Variants in COL1A1 observed in about 807,000 individuals in gnomAD.
The protein encoded by COL1A1 is collagen type I alpha 1 chain.
A neutral mutation model predicts 195.7 loss-of-function variants in COL1A1; 21 were observed. The observed-to-expected ratio is 0.11, with a 90% CI of 0.08 to 0.15. The LOEUF (loss-of-function observed/expected upper bound fraction) is 0.15, where lower values mean the gene tolerates loss of function less well. COL1A1 is among the 10% of genes least tolerant of loss of function. The pLI, the probability that COL1A1 is intolerant of heterozygous loss-of-function variation, is 1.00. For synonymous variants in COL1A1, 749 were observed against 747.3 expected, an observed-to-expected ratio of 1.00 and a Z score of -0.04; for missense variants, 1,365 against 2,051.0, an observed-to-expected ratio of 0.67 and a Z score of 6.46.
At position 50,187,944 on chromosome 17, in the gene COL1A1, C is replaced by T. The variant is rs867628651; in HGVS notation, c.3301G>A (p.Glu1101Lys). Residue 1101 changes from glutamate (E) to lysine (K), a missense_variant, in exon 45 of 51, where the codon GAA becomes AAA. Coordinates refer to ENST00000225964, the MANE Select transcript of COL1A1 (RefSeq NM_000088.4). ...GPRGDKGETG[E>K]QGDRGIKGHR... ...CCCTTTATGCCTCTGTCGCCCTGTTCGCCTGTCTCACCCTTGTCACCACGG... is the reference window on the plus strand; with the variant it reads ...CCCTTTATGCCTCTGTCGCCCTGTTTGCCTGTCTCACCCTTGTCACCACGG... 7 of 1,613,898 alleles carry T rather than the reference C, an allele frequency of 4.3e-6. No homozygotes were observed. Among genetic ancestry groups the T allele is most frequent in the African/African-American group, 1.3e-5 (1 of 74,920 alleles).
Position 50,186,688 on chromosome 17 carries a change from C to A in COL1A1, c.3766G>T (p.Ala1256Ser), listed in dbSNP as rs148216434. ...ATCTTGAGGTCACGGCAGGTGCGGG[C>A]GGGGTTCTTGCGGCTGCCCTCTGGG... ...RSPEGSRKNP[A>S]RTCRDLKMCH... Residue 1256 changes from alanine (A) to serine (S), a missense_variant, in exon 48 of 51, where the codon GCC becomes TCC. Ala to Ser is a moderately conservative substitution (Grantham distance 99). Around this residue, in one of 5 missense-constraint regions of COL1A1, gnomAD observed 273 missense variants for 338.6 expected, o/e 0.81. Transcript: ENST00000225964. The surrounding 1 kb of genome is among the most constrained non-coding windows in gnomAD (Gnocchi z 5.3). 5.6e-6 allele frequency: 9 copies of A among 1,613,598 alleles called. No homozygotes were observed. The highest frequency in any genetic ancestry group is 3.3e-5 in the South Asian group (3 of 91,084).
At position 50,198,109 on chromosome 17, in the gene COL1A1, C is replaced by T. The variant is rs947419957; in HGVS notation, c.588+52G>A. ...TCTCCTGCCCTCATCCCAGTCTTCC[C>T]TCCAAAAGACCAAAGCCCAAGGAGG... On this transcript the variant is annotated intron_variant, in intron 7 of 50. Coordinates refer to ENST00000225964, the MANE Select transcript of COL1A1 (RefSeq NM_000088.4). 3.1e-6 allele frequency: 5 copies of T among 1,612,204 alleles called. No individual in the cohort carries two copies. The South Asian group carries it at 5.5e-5, about 18-fold the overall frequency.
rs2734272 is a variant in COL1A1 at position 50,190,862 on chromosome 17, A to G, written c.2298T>C (p.Thr766=). Residue 766 remains threonine, a synonymous_variant, in exon 33 of 51, where the codon ACT becomes ACC. Transcript: ENST00000225964. This position sits in a 1 kb window ranked among gnomAD's most constrained non-coding sequence, Gnocchi z 4.7. ...SPGKDGVRGL[T]GPIGPPGPAG... ...CAGGGCCAGGAGGACCAATGGGGCC[A>G]GTCAGACCACGGACGCCATCTTTGC... 1,614,020 of 1,614,154 alleles carry G rather than the reference A, an allele frequency of 1. 806,944 individuals are homozygous for G. The highest frequency in any genetic ancestry group is 1 in the Middle Eastern group (6,062 of 6,062).
In COL1A1 at chr17:50,190,620, C is replaced by T; in HGVS notation, c.2344-24G>A. 6.2e-7 allele frequency: 1 copy of T among 1,612,120 alleles called. No homozygotes were observed. The highest frequency in any genetic ancestry group is 8.5e-7 in the Non-Finnish European group (1 of 1,178,836). ...CCCTGAGAGCAAGGGACAAGAGGCT[C>T]AGGGTCAGGGCCTCCCCTGAATACT... On this transcript the variant is annotated intron_variant, in intron 33 of 50. Transcript: ENST00000225964. This position sits in a 1 kb window ranked among gnomAD's most constrained non-coding sequence, Gnocchi z 4.7.
chr17:50,190,489 T>C lies in COL1A1; in HGVS notation c.2397+54A>G. On this transcript the variant is annotated intron_variant, in intron 34 of 50. Transcript: ENST00000225964. The surrounding 1 kb of genome is among the most constrained non-coding windows in gnomAD (Gnocchi z 4.7). ...GGCACAGACAGGGCCAGGGGTGCTGTGTGAAGGGAGGGAAGGGCCAAGTAT... is the reference window on the plus strand; with the variant it reads ...GGCACAGACAGGGCCAGGGGTGCTGCGTGAAGGGAGGGAAGGGCCAAGTAT... 1.9e-6 allele frequency: 3 copies of C among 1,607,202 alleles called. No homozygotes were observed. The highest frequency in any genetic ancestry group is 2.6e-6 in the Non-Finnish European group (3 of 1,174,090).
In COL1A1 at chr17:50,201,345, G is replaced by GCC. The variant is rs1908077819; in HGVS notation, c.103+64_103+65dup. The GCC allele has an allele frequency of 4.8e-6, 7 of 1,451,774 alleles. No homozygotes were observed. The Admixed American group carries it at 1.3e-4, about 26-fold the overall frequency. 89.9% of individuals were successfully genotyped at this position (1,451,774 alleles called of 1,614,324 possible). A position where few individuals can be genotyped will look rare whatever the true frequency, so the allele number is the denominator to read the frequency against. On this transcript the variant is annotated intron_variant, in intron 1 of 50. Transcript: ENST00000225964. ...CATCCACGTCTCGTTTTAAGCCGCG[G>GCC]CCCCCGGGACCAAGCGCAAGGCGCG...
Position 50,184,585 on chromosome 17 carries a change from T to TGCCACC in COL1A1, c.*916_*917insGGTGGC. 1 of 225,290 alleles carries TGCCACC rather than the reference T, an allele frequency of 4.4e-6. No individual in the cohort carries two copies. 14.0% of individuals were successfully genotyped at this position (225,290 alleles called of 1,614,324 possible). ...TCTCAATTTCTATAGCACCAGTGAT[T>TGCCACC]CCCTCCCCACCCCACCCATCACATA... On this transcript the variant is annotated 3_prime_UTR_variant, in exon 51 of 51. Transcript: ENST00000225964.
Position 50,194,387 on chromosome 17 carries a change from C to T in COL1A1, c.1576G>A (p.Ala526Thr). The T allele has an allele frequency of 6.2e-7, 1 of 1,614,178 alleles. No homozygotes were observed. The highest frequency in any genetic ancestry group is 1.3e-5 in the African/African-American group (1 of 75,048). ...PAGPKGSPGE[A>T]GRPGEAGLPG... ...AGACCAGCTTCACCGGGACGACCAG[C>T]TTCACCAGGAGATCCTTTGGGGCCA... is the stretch of plus-strand genomic sequence containing the variant. Residue 526 changes from alanine to threonine, a missense_variant, in exon 23 of 51, where the codon GCT becomes ACT. By Grantham distance (58) the Ala-to-Thr change is moderately conservative. Coordinates refer to ENST00000225964, the MANE Select transcript of COL1A1 (RefSeq NM_000088.4). The surrounding 1 kb of genome is among the most constrained non-coding windows in gnomAD (Gnocchi z 6.8).
Position 50,187,959 on chromosome 17 carries a change from T to C in COL1A1, c.3286A>G (p.Lys1096Glu). ...PAGPQGPRGDKGETGEQGDRG... is the reference protein window; with the variant it reads ...PAGPQGPRGDEGETGEQGDRG... ...TCGCCCTGTTCGCCTGTCTCACCCTTGTCACCACGGGGGCCTTGGGGTCCC... is the reference window on the plus strand; with the variant it reads ...TCGCCCTGTTCGCCTGTCTCACCCTCGTCACCACGGGGGCCTTGGGGTCCC... The change falls in exon 45 of 51, where the codon AAG (lysine) becomes GAG (glutamate). Residue 1096 changes from lysine (K) to glutamate (E), a missense_variant. Physicochemically the swap from Lys to Glu is moderately conservative, Grantham distance 56. Around this residue, in one of 5 missense-constraint regions of COL1A1, gnomAD observed 671 missense variants for 1,099.9 expected, o/e 0.61. Coordinates refer to ENST00000225964, the MANE Select transcript of COL1A1 (RefSeq NM_000088.4). 2 of 1,614,084 alleles carry C rather than the reference T, an allele frequency of 1.2e-6. No homozygotes were observed. The highest frequency in any genetic ancestry group is 1.7e-6 in the Non-Finnish European group (2 of 1,179,980).
In COL1A1 at chr17:50,189,295, G is replaced by A. The variant is rs781595724; in HGVS notation, c.2830-20C>T. 5.0e-6 allele frequency: 8 copies of A among 1,613,922 alleles called. No individual in the cohort carries two copies. The highest frequency in any genetic ancestry group is 1.7e-5 in the Admixed American group (1 of 60,026). ...AGCACCCTTTGGGAGGCAAACAGGG[G>A]TGAGGTGCCAGAGAGCAGCACAGGG... On this transcript the variant is annotated intron_variant, in intron 39 of 50. Coordinates refer to ENST00000225964, the MANE Select transcript of COL1A1 (RefSeq NM_000088.4). The surrounding 1 kb of genome is among the most constrained non-coding windows in gnomAD (Gnocchi z 5.5).
At chr17:50,191,165 G>GC (rs1286471154) in intron 32 of COL1A1, among the ~76,000 whole-genome samples, 1 of 152,144 alleles carries the variant, frequency 6.6e-6, no homozygotes, top group Non-Finnish European at 1.5e-5. Context: ...CCAAGGAGAT[G>GC]CCCCCACCTC....
chr17:50,185,968 G>A lies in COL1A1; in HGVS notation c.4058C>T (p.Thr1353Ile). 2 of 1,613,954 alleles carry A rather than the reference G, an allele frequency of 1.2e-6. No homozygotes were observed. Among genetic ancestry groups the A allele is most frequent in the Non-Finnish European group, 1.7e-6 (2 of 1,180,014 alleles). ...CTCGGTGGACATCAGGCGCAGGAAG[G>A]TCAGCTGGATGGCCACATCGGCAGG... ...SDPADVAIQLTFLRLMSTEAS... is the reference protein window; with the variant it reads ...SDPADVAIQLIFLRLMSTEAS... Residue 1353 changes from threonine to isoleucine, a missense_variant, in exon 50 of 51, where the codon ACC (threonine) becomes ATC (isoleucine). Transcript: ENST00000225964.
In COL1A1 at chr17:50,193,988, A is replaced by G; in HGVS notation, c.1722T>C (p.Arg574=). ...GGAATCCCATCACACCAGCCTGACC[A>G]CGGGCACCAGGTGGGCCTGGGGGTC... ...RPGPPGPPGA[R]GQAGVMGFPG... is the part of the protein sequence containing the mutation. Residue 574 remains arginine, a synonymous_variant, in exon 25 of 51, where the codon CGT becomes CGC. Coordinates refer to ENST00000225964, the MANE Select transcript of COL1A1 (RefSeq NM_000088.4). 1 of 1,614,112 alleles carries G rather than the reference A, an allele frequency of 6.2e-7. No homozygotes were observed. The highest frequency in any genetic ancestry group is 8.5e-7 in the Non-Finnish European group (1 of 1,180,008).
At chr17:50,197,417 A>G (rs1337879072) in intron 9 of COL1A1, among the ~76,000 whole-genome samples, 184 bp from the exon 10 acceptor site, 2 of 152,218 alleles carry the variant, frequency 1.3e-5, no homozygotes, top group Non-Finnish European at 2.9e-5. Context: ...GTGAAATCTG[A>G]GTGCCTCTAA....
chr17:50,199,515 C>T (rs769737039), intron 3 of COL1A1, 41 bp downstream of exon 3: 6 of 1,614,202 alleles, frequency 3.7e-6, no homozygotes, highest in Middle Eastern at 1.7e-4. Flanking sequence ...TGTGAGGAGT[C>T]ACGGGCCGCG....
In COL1A1 at chr17:50,184,585, T is replaced by TGG; in HGVS notation, c.*916_*917insCC. On this transcript the variant is annotated 3_prime_UTR_variant, in exon 51 of 51. Transcript: ENST00000225964. ...TCTCAATTTCTATAGCACCAGTGAT[T>TGG]CCCTCCCCACCCCACCCATCACATA... is the stretch of plus-strand genomic sequence containing the variant. The TGG allele has an allele frequency of 4.4e-6, 1 of 225,290 alleles. No individual in the cohort carries two copies. Among genetic ancestry groups the TGG allele is most frequent in the Non-Finnish European group, 8.8e-6 (1 of 113,322 alleles). The allele number at this position is 225,290 out of a possible 1,614,324, so 14.0% of individuals were successfully genotyped here.
At chr17:50,201,190 G>A (rs537432548) in intron 1 of COL1A1, among the ~76,000 whole-genome samples, 1 of 152,076 alleles carries the variant, frequency 6.6e-6, no homozygotes, top group Non-Finnish European at 1.5e-5. Context: ...AACTCACGCC[G>A]CGCTCCACCC....
At chr17:50,198,239 T>C (rs1381580632) in intron 6 of COL1A1, 34 bp from the exon 7 acceptor site, 1 of 1,612,198 alleles carries the variant, frequency 6.2e-7, no homozygotes. Flanking sequence ...GTCATGGTGA[T>C]CCCTCTGTAG....
chr17:50,189,649 A>G lies in COL1A1; in HGVS notation c.2667+30T>C, dbSNP rs1906890820. ...AGCCCCCACCCAGCACCCCCAACCT[A>G]GAGCAGTGGACTCTGCTGCAGAGAC... On this transcript the variant is annotated intron_variant, in intron 38 of 50. Coordinates refer to ENST00000225964, the MANE Select transcript of COL1A1 (RefSeq NM_000088.4). The surrounding 1 kb of genome is among the most constrained non-coding windows in gnomAD (Gnocchi z 5.5). The G allele has an allele frequency of 2.5e-6, 4 of 1,613,436 alleles. No individual in the cohort carries two copies. In the East Asian group the frequency reaches 8.9e-5, roughly 36 times the overall value.
Sources: allele counts gnomAD v4.1 joint callset (sites outside exome capture counted in the v4.1 genomes callset), GRCh38; gene constraint gnomAD v4.1.1; regional missense constraint gnomAD v4.1.1; non-coding constraint Gnocchi (gnomAD v3.1); transcripts MANE v1.5; gene names NCBI Gene and HGNC (gene_info 2026-07-23, HGNC 2026-07-21).